The following COMMD1 variants were observed in gnomAD, a reference collection of about 807,000 sequenced individuals.
COMMD1 encodes the protein COMM domain-containing protein 1.
In COMMD1, 10 loss-of-function variants were observed where a neutral mutation model predicts 17.2. That is an observed-to-expected ratio of 0.58 (90% CI 0.36 to 0.99). The LOEUF (loss-of-function observed/expected upper bound fraction) is 0.99, where lower values mean the gene tolerates loss of function less well. COMMD1 is among the 50% of genes least tolerant of loss of function. COMMD1 has a pLI of 0.01. For synonymous variants in COMMD1, 97 were observed against 91.6 expected, an observed-to-expected ratio of 1.06 and a Z score of -0.34; for missense variants, 270 against 231.8, an observed-to-expected ratio of 1.17 and a Z score of -1.07.
chr2:61,944,494 T>G (rs983001782), intron 1 of COMMD1, among the ~76,000 whole-genome samples: 1 of 151,924 alleles, frequency 6.6e-6, no homozygotes, highest in Non-Finnish European at 1.5e-5. Context: ...AGAATGCACC[T>G]CCGAACTAGA....
chr2:62,086,198 A>T (rs2103989065), intron 2 of COMMD1, among the ~76,000 whole-genome samples: 1 of 151,878 alleles, frequency 6.6e-6, no homozygotes, highest in South Asian at 2.1e-4. Context: ...CAAAAAAGAT[A>T]AAAACATGAA....
At chr2:62,019,771 T>C (rs773109412) in intron 2 of COMMD1, among the ~76,000 whole-genome samples, 1 of 152,238 alleles carries the variant, frequency 6.6e-6, no homozygotes, top group Non-Finnish European at 1.5e-5. Flanking sequence ...ATGTATCCAC[T>C]GAAAAGTTAC....
At chr2:62,049,102 GAAT>G (rs991178214) in intron 2 of COMMD1, among the ~76,000 whole-genome samples, 4 of 151,314 alleles carry the variant, frequency 2.6e-5, no homozygotes, top group Non-Finnish European at 5.9e-5. Context: ...CCAGAAAATT[GAAT>G]AATAATTAAT....
intron 1 of COMMD1, among the ~76,000 whole-genome samples, chr2:61,967,503 C>T (rs1396939595): frequency 6.6e-6 from 1 of 152,108 alleles, no homozygotes; most frequent in Non-Finnish European, 1.5e-5. Context: ...ATGTTGAGCT[C>T]TTGTTTACAT....
intron 2 of COMMD1, among the ~76,000 whole-genome samples, chr2:62,123,135 G>A (rs1461562981): frequency 6.6e-6 from 1 of 152,016 alleles, no homozygotes; most frequent in Non-Finnish European, 1.5e-5. Flanking sequence ...AAGCCAGGGG[G>A]ATTGCTTGAC....
chr2:61,949,324 G>A (rs1670991872), intron 1 of COMMD1, among the ~76,000 whole-genome samples: 1 of 152,104 alleles, frequency 6.6e-6, no homozygotes, highest in Admixed American at 6.6e-5. Flanking sequence ...AAAGAGCCAG[G>A]GAGAACTTCT....
intron 2 of COMMD1, among the ~76,000 whole-genome samples, chr2:62,024,010 G>A (rs756386757): frequency 6.6e-6 from 1 of 152,136 alleles, no homozygotes; most frequent in African/African-American, 2.4e-5. Flanking sequence ...TGCATACATA[G>A]TATAATCTAA....
Position 62,056,882 on chromosome 2 carries a change from C to G in COMMD1, c.462+55900C>G, listed in dbSNP as rs1670719738. ...CTTGAAAGTATGTTTGAGGCAACTT[C>G]AAATCTCCATACATTCTGGGTTAAA... is the stretch of plus-strand genomic sequence containing the variant. On this transcript the variant is annotated intron_variant, in intron 2 of 2. Transcript: ENST00000311832. Among the ~76,000 whole-genome samples the G allele has an allele frequency of 2.0e-5, 3 of 152,194 alleles. No individual in the cohort carries two copies. In the South Asian group the frequency reaches 6.2e-4, roughly 32 times the overall value.
intron 2 of COMMD1, among the ~76,000 whole-genome samples, chr2:62,032,314 T>C (rs750086428): frequency 6.6e-6 from 1 of 152,106 alleles, no homozygotes; most frequent in Non-Finnish European, 1.5e-5. Context: ...GGCAGGAGCA[T>C]CACGTGAGCC....
chr2:61,918,930 T>C (rs1670115041), intron 1 of COMMD1, among the ~76,000 whole-genome samples: 2 of 152,220 alleles, frequency 1.3e-5, no homozygotes, highest in Non-Finnish European at 2.9e-5. Context: ...GACAAAAATT[T>C]ATGTTTCAAG....
At chr2:62,121,957 AATTTTTTGT>A (rs924542547) in intron 2 of COMMD1, among the ~76,000 whole-genome samples, 1 of 151,892 alleles carries the variant, frequency 6.6e-6, no homozygotes, top group Admixed American at 6.6e-5. Context: ...GTGCCCAGCT[AATTTTTTGT>A]ATTTTTTGTA....
chr2:61,938,717 C>G (rs1232547180), intron 1 of COMMD1, among the ~76,000 whole-genome samples: 1 of 152,140 alleles, frequency 6.6e-6, no homozygotes, highest in East Asian at 1.9e-4. Context: ...GGATTTGCTG[C>G]CAGTAACTTG....
rs144175801 is a variant in COMMD1, at chr2:61,896,394, T to C, written n.119+7552T>C. ...TGAGCCCAGGAATTTGAGATCAGCCTGGGCAACATAGTGAGATCCTGTCTC... is the reference window on the plus strand; with the variant it reads ...TGAGCCCAGGAATTTGAGATCAGCCCGGGCAACATAGTGAGATCCTGTCTC... On this transcript the variant is annotated intron_variant and non_coding_transcript_variant, in intron 1 of 2. Transcript: ENST00000472729. Among the ~76,000 whole-genome samples the C allele has an allele frequency of 2.9e-3, 448 of 152,062 alleles. 1 individual carries two copies. The highest frequency in any genetic ancestry group is 0.01 in the African/African-American group (429 of 41,472).
At chr2:61,939,128 T>C (rs1052484559) in intron 1 of COMMD1, among the ~76,000 whole-genome samples, 4 of 152,042 alleles carry the variant, frequency 2.6e-5, no homozygotes, top group African/African-American at 9.7e-5. Context: ...TTATTATACT[T>C]TGCCTGATTA....
chr2:61,934,593 A>G (rs950230945), intron 1 of COMMD1, among the ~76,000 whole-genome samples: 4 of 152,174 alleles, frequency 2.6e-5, no homozygotes, highest in Non-Finnish European at 5.9e-5. Flanking sequence ...TAACAAGTTC[A>G]AGTTATAGAA....
intron 2 of COMMD1, among the ~76,000 whole-genome samples, chr2:62,064,469 G>A (rs1573137084): frequency 6.6e-6 from 1 of 152,052 alleles, no homozygotes; most frequent in African/African-American, 2.4e-5. Context: ...CCACCATGCC[G>A]GGTCCATAGT....
intron 1 of COMMD1, among the ~76,000 whole-genome samples, chr2:61,953,897 C>T (rs1023245362): frequency 6.6e-6 from 1 of 152,026 alleles, no homozygotes; most frequent in Non-Finnish European, 1.5e-5. Flanking sequence ...ATTTCTCTAG[C>T]AACCTGAAAT....
intron 2 of COMMD1, among the ~76,000 whole-genome samples, chr2:62,003,618 A>ACACC (rs1398439996): frequency 6.6e-6 from 1 of 151,218 alleles, no homozygotes; most frequent in Non-Finnish European, 1.5e-5. Flanking sequence ...ACACACACAC[A>ACACC]CACACACACA....
At chr2:62,092,831 ATAATGTTTTTGAAAAG>A (rs1003947719) in intron 2 of COMMD1, among the ~76,000 whole-genome samples, 3 of 152,180 alleles carry the variant, frequency 2.0e-5, no homozygotes, top group African/African-American at 7.2e-5. Flanking sequence ...AGGGCGATAA[ATAATGTTTTTGAAAAG>A]GAGCGGATCT....
Sources: gnomAD v4.1 joint callset for allele counts (sites outside exome capture counted in the v4.1 genomes callset) on GRCh38, gnomAD v4.1.1 for gene constraint, MANE v1.5 for transcripts, NCBI Gene and HGNC (gene_info 2026-07-23, HGNC 2026-07-21) for gene names.